PPP1R13B: variants seen among roughly 807,000 people sequenced by gnomAD.
The protein encoded by PPP1R13B is protein phosphatase 1 regulatory subunit 13B, also known as apoptosis-stimulating of p53 protein 1.
PPP1R13B carries 44 observed loss-of-function variants against 119.8 expected under a neutral mutation model. The observed-to-expected ratio is 0.37, with a 90% CI of 0.29 to 0.47. The LOEUF (loss-of-function observed/expected upper bound fraction) is 0.47. Among genes scored for constraint, PPP1R13B ranks in the 20% least tolerant of loss-of-function variants. PPP1R13B has a pLI of 0.99. For missense variants in PPP1R13B, 1,227 were observed against 1,413.5 expected, an observed-to-expected ratio of 0.87 and a Z score of 2.12; for synonymous variants, 542 against 561.5, an observed-to-expected ratio of 0.97 and a Z score of 0.49.
At chr14:103,754,348 T>G in intron 5 of PPP1R13B, 104 bp from the exon 6 acceptor site, 1 of 1,117,640 alleles carries the variant, frequency 8.9e-7, no homozygotes, top group Non-Finnish European at 1.3e-6. Flanking sequence ...GTGGATCACC[T>G]GAGGTCAGGA....
intron 4 of PPP1R13B, among the ~76,000 whole-genome samples, chr14:103,777,366 A>G (rs2085230551): frequency 6.6e-6 from 1 of 152,118 alleles, no homozygotes; most frequent in African/African-American, 2.4e-5. Context: ...CTATTCTCCA[A>G]GTCTATACCA....
chr14:103,772,581 A>G (rs2152006461), intron 4 of PPP1R13B, among the ~76,000 whole-genome samples: 1 of 152,232 alleles, frequency 6.6e-6, no homozygotes, highest in East Asian at 1.9e-4. Flanking sequence ...TTTCCTAAAG[A>G]CTAATGATGG....
chr14:103,782,954 G>A (rs141840820), intron 3 of PPP1R13B, among the ~76,000 whole-genome samples: 10 of 151,906 alleles, frequency 6.6e-5, no homozygotes, highest in African/African-American at 2.2e-4. Flanking sequence ...ACAGATGCAT[G>A]CCACCAAGCC....
intron 1 of PPP1R13B, 93 bp downstream of exon 1, chr14:103,847,206 C>A (rs1346185946): frequency 1.9e-6 from 2 of 1,044,150 alleles, no homozygotes; most frequent in East Asian, 6.5e-5. Flanking sequence ...GGCCTCGCAC[C>A]GGCCCGCGGG....
At chr14:103,811,534 A>G (rs2086156362) in intron 1 of PPP1R13B, among the ~76,000 whole-genome samples, 1 of 152,112 alleles carries the variant, frequency 6.6e-6, no homozygotes, top group African/African-American at 2.4e-5. Flanking sequence ...CAAAAAACAC[A>G]AAAAGTAGCC....
At chr14:103,756,253 C>T (rs1400687178) in intron 5 of PPP1R13B, among the ~76,000 whole-genome samples, 2 of 152,058 alleles carry the variant, frequency 1.3e-5, no homozygotes, top group African/African-American at 4.8e-5. Context: ...CTACATCTGG[C>T]TAATTTTTGT....
chr14:103,834,419 G>C (rs1206277083), intron 1 of PPP1R13B, among the ~76,000 whole-genome samples: 2 of 151,860 alleles, frequency 1.3e-5, no homozygotes, highest in Non-Finnish European at 2.9e-5. Flanking sequence ...CACAAGAAGG[G>C]GAGAGGCATT....
At chr14:103,820,193 C>T (rs541738508) in intron 1 of PPP1R13B, among the ~76,000 whole-genome samples, 70 of 152,306 alleles carry the variant, frequency 4.6e-4, no homozygotes, top group African/African-American at 1.4e-3. Context: ...TTACGGACAA[C>T]GCCCCTCCCT....
chr14:103,769,260 A>ATT lies in PPP1R13B; in HGVS notation c.354+9483_354+9484dup, dbSNP rs57151300. Among the ~76,000 whole-genome samples, 132 of 147,524 alleles carry ATT rather than the reference A, an allele frequency of 8.9e-4. 3 individuals carry two copies. In the East Asian group the frequency reaches 0.021, roughly 24 times the overall value. ...GCCACCATGCCAGGCTAATATTTGTATTTTTTTTTTAGTAGAGACGGGGCT... is the reference window on the plus strand; with the variant it reads ...GCCACCATGCCAGGCTAATATTTGTATTTTTTTTTTTTAGTAGAGACGGGGCT... On this transcript the variant is annotated intron_variant, in intron 4 of 16. Coordinates refer to ENST00000202556, the MANE Select transcript of PPP1R13B (RefSeq NM_015316.3).
upstream of PPP1R13B, chr14:103,848,519 CAG>C (rs1248479571): frequency 3.1e-6 from 3 of 983,376 alleles, no homozygotes; most frequent in African/African-American, 3.5e-5. Context: ...GGAGAGCAGA[CAG>C]GGGGACTGAG....
In PPP1R13B at chr14:103,847,381, G is replaced by T. The variant is rs2087076202; in HGVS notation, c.-74C>A. On this transcript the variant is annotated 5_prime_UTR_variant, in exon 1 of 17. Coordinates refer to ENST00000202556, the MANE Select transcript of PPP1R13B (RefSeq NM_015316.3). ...CGCGCCGAGCTGTGCCCACCGCTCC[G>T]GCCGCCTCCTAAGGCCGCGCTCCCG... 4 of 1,092,502 alleles carry T rather than the reference G, an allele frequency of 3.7e-6. No homozygotes were observed. In the African/African-American group the frequency reaches 6.8e-5, roughly 19 times the overall value. 67.7% of individuals were successfully genotyped at this position (1,092,502 alleles called of 1,614,324 possible). A position where few individuals can be genotyped will look rare whatever the true frequency, so the allele number is the denominator to read the frequency against.
rs1456489495 is a variant in PPP1R13B at position 103,799,479 on chromosome 14, T to C, written c.10-1961A>G. Among the ~76,000 whole-genome samples, 3 of 152,102 alleles carry C rather than the reference T, an allele frequency of 2.0e-5. No homozygotes were observed. The East Asian group carries it at 5.9e-4, about 30-fold the overall frequency. On this transcript the variant is annotated intron_variant, in intron 1 of 16. Transcript: ENST00000202556. ...AGGCGTCAGCCATTGCGCCCAGCCT[T>C]ATTTTGTATTTTTAGTAGACACAGG...
At chr14:103,826,369 A>C (rs1475324008) in intron 1 of PPP1R13B, among the ~76,000 whole-genome samples, 1 of 152,184 alleles carries the variant, frequency 6.6e-6, no homozygotes, top group African/African-American at 2.4e-5. Context: ...CTCAGGATGC[A>C]TACACAATTC....
chr14:103,836,770 A>G (rs1363297240), intron 1 of PPP1R13B, among the ~76,000 whole-genome samples: 1 of 128,370 alleles, frequency 7.8e-6, no homozygotes, highest in Non-Finnish European at 1.7e-5. Flanking sequence ...AGTCTGTCTC[A>G]GAAAAGAAAA....
chr14:103,841,111 C>T (rs1369169332), intron 1 of PPP1R13B, among the ~76,000 whole-genome samples: 2 of 152,152 alleles, frequency 1.3e-5, no homozygotes, highest in East Asian at 1.9e-4. Flanking sequence ...CATGGAGAAA[C>T]CCTGTCTCTA....
chr14:103,819,465 C>A (rs2086353385), intron 1 of PPP1R13B, among the ~76,000 whole-genome samples: 1 of 149,938 alleles, frequency 6.7e-6, no homozygotes, highest in Admixed American at 6.7e-5. Context: ...CTACTGTACT[C>A]CAGCCTGGGC....
intron 1 of PPP1R13B, among the ~76,000 whole-genome samples, chr14:103,811,127 A>G (rs2086145633): frequency 6.6e-6 from 1 of 151,730 alleles, no homozygotes; most frequent in Non-Finnish European, 1.5e-5. Flanking sequence ...AAAGACAAAG[A>G]AAATTACTGC....
rs781067289 is a variant in PPP1R13B, at chr14:103,753,046, G to A, written c.782C>T (p.Thr261Met). The A allele has an allele frequency of 2.0e-5, 33 of 1,613,970 alleles. No individual in the cohort carries two copies. The highest frequency in any genetic ancestry group is 1.3e-4 in the Admixed American group (8 of 59,988). ...NGFQSYNGKL[T>M]GPAAVELKRL... ...TTTTAACTCCACCGCCGCTGGTCCC[G>A]TCAATTTGCCATTGTAAGACTGGAA... The change falls in exon 7 of 17, where the codon ACG becomes ATG. Residue 261 changes from threonine (T) to methionine (M), a missense_variant. Coordinates refer to ENST00000202556, the MANE Select transcript of PPP1R13B (RefSeq NM_015316.3).
At chr14:103,799,145 G>A (rs1294427625) in intron 1 of PPP1R13B, among the ~76,000 whole-genome samples, 4 of 151,962 alleles carry the variant, frequency 2.6e-5, no homozygotes, top group Admixed American at 6.6e-5. Context: ...GATTACAGGC[G>A]CATATCACCA....
Sources: allele counts gnomAD v4.1 joint callset (sites outside exome capture counted in the v4.1 genomes callset), GRCh38; gene constraint gnomAD v4.1.1; transcripts MANE v1.5; gene names NCBI Gene and HGNC (gene_info 2026-07-23, HGNC 2026-07-21).